Variants in KHDRBS3 observed in about 807,000 individuals in gnomAD.
KHDRBS3 encodes the protein KH RNA binding domain containing, signal transduction associated 3.
A neutral mutation model predicts 45.6 loss-of-function variants in KHDRBS3; 23 were observed. The ratio of observed to expected loss-of-function variants is 0.50; its 90% CI spans 0.36 to 0.72. The LOEUF is 0.72. Among genes scored for constraint, KHDRBS3 ranks in the 30% least tolerant of loss-of-function variants. The probability of loss-of-function intolerance (pLI) is 0.00; values close to 1 mark genes in which losing one functional copy is unlikely to be tolerated. For missense variants in KHDRBS3, 352 were observed against 424.8 expected (o/e 0.83, Z 1.51); for synonymous variants, 162 against 156.5 (o/e 1.04, Z -0.26).
chr8:135,553,662 CAGAG>C (rs1224003646), intron 4 of KHDRBS3, among the ~76,000 whole-genome samples: 1 of 152,126 alleles, frequency 6.6e-6, no homozygotes, highest in Non-Finnish European at 1.5e-5. Flanking sequence ...AAATTCCTAA[CAGAG>C]AGCCCACTGA....
At chr8:135,468,266 T>C (rs1160344871) in intron 1 of KHDRBS3, among the ~76,000 whole-genome samples, 1 of 152,202 alleles carries the variant, frequency 6.6e-6, no homozygotes, top group Non-Finnish European at 1.5e-5. Context: ...ACTTGTTCTC[T>C]GCTTATCTTG....
chr8:135,621,953 G>C (rs959957489), intron 7 of KHDRBS3, among the ~76,000 whole-genome samples: 9 of 151,902 alleles, frequency 5.9e-5, no homozygotes, highest in African/African-American at 1.7e-4. Flanking sequence ...CCCCACACTG[G>C]TCCAAGTGAA....
intron 5 of KHDRBS3, among the ~76,000 whole-genome samples, chr8:135,565,036 G>A (rs1040368154): frequency 1.1e-4 from 16 of 152,176 alleles, no homozygotes; most frequent in East Asian, 3.9e-4. Flanking sequence ...GCTGCAGAGC[G>A]TAGGGGCTGC....
chr8:135,635,898 C>A (rs1563822805), intron 7 of KHDRBS3, among the ~76,000 whole-genome samples: 1 of 152,148 alleles, frequency 6.6e-6, no homozygotes, highest in Non-Finnish European at 1.5e-5. Flanking sequence ...TCAAAAAAGT[C>A]ATATTATCAC....
chr8:135,650,168 A>G (rs1345910582), downstream of KHDRBS3, among the ~76,000 whole-genome samples: 1 of 152,224 alleles, frequency 6.6e-6, no homozygotes, highest in African/African-American at 2.4e-5. Context: ...CACTGGTCAT[A>G]CAAAGACTGA....
intron 6 of KHDRBS3, among the ~76,000 whole-genome samples, chr8:135,601,920 C>G (rs1264507580): frequency 6.6e-6 from 1 of 152,062 alleles, no homozygotes; most frequent in African/African-American, 2.4e-5. Flanking sequence ...AAAAAACGAG[C>G]AACCAGTGAT....
At chr8:135,647,687 A>G (rs1831349974), downstream of KHDRBS3, 1 of 152,320 alleles carries the variant, frequency 6.6e-6, no homozygotes, top group African/African-American at 2.4e-5. Flanking sequence ...GTAAACAGGG[A>G]AAGAATTCAT....
At chr8:135,538,699 A>T (rs907765730) in intron 2 of KHDRBS3, 2 of 152,224 alleles carry the variant, frequency 1.3e-5, no homozygotes, top group Non-Finnish European at 2.9e-5. Context: ...CACATTGCTG[A>T]TAAGATGAGG....
intron 5 of KHDRBS3, among the ~76,000 whole-genome samples, chr8:135,574,907 C>T (rs929900989): frequency 3.9e-5 from 6 of 152,142 alleles, no homozygotes; most frequent in Non-Finnish European, 8.8e-5. Flanking sequence ...CTCCTAATAA[C>T]ACAAAAGTGG....
At chr8:135,553,994 A>G (rs1157387864) in intron 4 of KHDRBS3, among the ~76,000 whole-genome samples, 2 of 152,180 alleles carry the variant, frequency 1.3e-5, no homozygotes, top group African/African-American at 4.8e-5. Context: ...AGAAACTACT[A>G]ACTATAATGG....
intron 5 of KHDRBS3, among the ~76,000 whole-genome samples, chr8:135,570,727 C>T (rs1211692556): frequency 6.6e-6 from 1 of 152,182 alleles, no homozygotes; most frequent in African/African-American, 2.4e-5. Context: ...TTAATCCCAA[C>T]TAGGCTTGTT....
At chr8:135,468,714 G>A (rs187873879) in intron 1 of KHDRBS3, among the ~76,000 whole-genome samples, 49 of 152,268 alleles carry the variant, frequency 3.2e-4, no homozygotes, top group Admixed American at 2.0e-4. Context: ...ACCAAACTTG[G>A]TAAAATTCAT....
intron 2 of KHDRBS3, among the ~76,000 whole-genome samples, chr8:135,537,719 GA>G (rs1387236709): frequency 6.6e-6 from 1 of 152,026 alleles, no homozygotes; most frequent in Non-Finnish European, 1.5e-5. Context: ...GACATCTGGA[GA>G]AAAATTATTA....
In KHDRBS3 at chr8:135,625,409, C is replaced by T. The variant is rs1830314951; in HGVS notation, c.890+18372C>T. 5 of 779,924 alleles carry T rather than the reference C, an allele frequency of 6.4e-6. No individual in the cohort carries two copies. In the Admixed American group the frequency reaches 7.3e-5, roughly 11 times the overall value. 48.3% of individuals were successfully genotyped at this position (779,924 alleles called of 1,614,324 possible). ...ATTGAGTGCTGCATCAACTCAGCTG[C>T]CTCATCGTGCCCATTGCGCACACCA... On this transcript the variant is annotated intron_variant, in intron 7 of 8. Transcript: ENST00000355849.
intron 1 of KHDRBS3, among the ~76,000 whole-genome samples, chr8:135,462,262 CGATCACTCACAGTGTTA>C (rs1821469083): frequency 6.8e-6 from 1 of 146,140 alleles, no homozygotes; most frequent in African/African-American, 2.6e-5. Flanking sequence ...TAAGAAAATG[CGATCACTCACAGTGTTA>C]GATATGCCAT....
chr8:135,640,267 T>C (rs1034655960), intron 7 of KHDRBS3, among the ~76,000 whole-genome samples: 5 of 152,052 alleles, frequency 3.3e-5, no homozygotes, highest in African/African-American at 1.2e-4. Flanking sequence ...ATGAGATAGT[T>C]CCAGTGAATT....
At chr8:135,651,385 A>G (rs1831425270), downstream of KHDRBS3, among the ~76,000 whole-genome samples, 1 of 151,852 alleles carries the variant, frequency 6.6e-6, no homozygotes, top group African/African-American at 2.4e-5. Flanking sequence ...TGGGACAAAT[A>G]AAGGTGTTCA....
At chr8:135,543,573 A>G (rs1826146145) in intron 3 of KHDRBS3, among the ~76,000 whole-genome samples, 1 of 152,236 alleles carries the variant, frequency 6.6e-6, no homozygotes, top group Non-Finnish European at 1.5e-5. Context: ...AATAGCTTTT[A>G]TAATACAAAT....
At chr8:135,570,909 A>G (rs1233381195) in intron 5 of KHDRBS3, among the ~76,000 whole-genome samples, 1 of 152,212 alleles carries the variant, frequency 6.6e-6, no homozygotes, top group Non-Finnish European at 1.5e-5. Context: ...TTAATGAGCA[A>G]CCACACTGGA....
Sources: allele counts gnomAD v4.1 joint callset (sites outside exome capture counted in the v4.1 genomes callset), GRCh38; gene constraint gnomAD v4.1.1; transcripts MANE v1.5; gene names NCBI Gene and HGNC (gene_info 2026-07-23, HGNC 2026-07-21).